WDR45B: variants seen among roughly 807,000 people sequenced by gnomAD.
WDR45B encodes WD repeat domain phosphoinositide-interacting protein 3.
Under a neutral mutation model 44.6 loss-of-function variants are expected in WDR45B, and 20 were observed. The ratio of observed to expected loss-of-function variants is 0.45; its 90% confidence interval spans 0.32 to 0.65. The LOEUF is 0.65. Among genes scored for constraint, WDR45B ranks in the 30% least tolerant of loss-of-function variants. The pLI, the probability that WDR45B is intolerant of heterozygous loss-of-function variation, is 0.05. For synonymous variants in WDR45B, 169 were observed against 164.9 expected (o/e 1.02, Z -0.19); for missense variants, 323 against 430.2 (o/e 0.75, Z 2.20).
chr17:82,626,865 C>T (rs887740985), intron 4 of WDR45B: 44 of 350,692 alleles, frequency 1.3e-4, no homozygotes, highest in Admixed American at 3.0e-4. Flanking sequence ...GGGCTAAAAG[C>T]CCAGGGTAAT....
At chr17:82,634,161 A>AAAAAAAAAAAC (rs2045805000) in intron 2 of WDR45B, among the ~76,000 whole-genome samples, 1 of 148,914 alleles carries the variant, frequency 6.7e-6, no homozygotes, top group African/African-American at 2.5e-5. Context: ...AAAAAAAAAA[A>AAAAAAAAAAAC]AAAAAAAAAA....
intron 3 of WDR45B, chr17:82,629,897 C>T: frequency 1.0e-6 from 1 of 985,292 alleles, no homozygotes; most frequent in South Asian, 4.7e-5. Flanking sequence ...GCATGCGGCG[C>T]CCCCAGAGCC....
intron 1 of WDR45B, among the ~76,000 whole-genome samples, chr17:82,647,923 G>A (rs2046001472): frequency 6.6e-6 from 1 of 150,500 alleles, no homozygotes; most frequent in South Asian, 2.2e-4. Flanking sequence ...CCGAGTGGGC[G>A]TGGCGCGCGG....
At chr17:82,642,209 C>G (rs1265795909) in intron 2 of WDR45B, among the ~76,000 whole-genome samples, 1 of 152,068 alleles carries the variant, frequency 6.6e-6, no homozygotes, top group African/African-American at 2.4e-5. Context: ...GGCTGCACAG[C>G]AGGACGCAAG....
chr17:82,627,438 T>C (rs967950278), intron 3 of WDR45B, 147 bp from the exon 4 acceptor site: 2 of 711,088 alleles, frequency 2.8e-6, no homozygotes, highest in Admixed American at 2.1e-5. Context: ...CACCCGCACC[T>C]GGGAGGCCTT....
At chr17:82,616,766 G>A (rs1304637024) in intron 8 of WDR45B, 121 bp from the exon 9 acceptor site, 2 of 1,353,810 alleles carry the variant, frequency 1.5e-6, no homozygotes, top group Middle Eastern at 1.8e-4. Flanking sequence ...GAGCTTTAAT[G>A]AATTTTTTTT....
chr17:82,628,909 G>A (rs1056369742), intron 3 of WDR45B, among the ~76,000 whole-genome samples: 1 of 151,738 alleles, frequency 6.6e-6, no homozygotes, highest in Non-Finnish European at 1.5e-5. Context: ...TGAGGCGGAA[G>A]GATCACCTGA....
At chr17:82,621,516 A>T (rs1598261183) in intron 6 of WDR45B, 93 bp downstream of exon 6, 1 of 1,556,808 alleles carries the variant, frequency 6.4e-7, no homozygotes, top group East Asian at 2.2e-5. Flanking sequence ...GGGCAGGCCC[A>T]CTGCCTTTTG....
chr17:82,642,640 A>C (rs578156769), intron 2 of WDR45B, among the ~76,000 whole-genome samples: 2 of 152,154 alleles, frequency 1.3e-5, no homozygotes, highest in Non-Finnish European at 2.9e-5. Flanking sequence ...CTGAGCCCTC[A>C]ACCTGTGGGA....
Position 82,616,129 on chromosome 17 carries a change from G to C in WDR45B, c.929-104C>G. 3 of 1,136,924 alleles carry C rather than the reference G, an allele frequency of 2.6e-6. No individual in the cohort carries two copies. The East Asian group carries it at 7.7e-5, about 29-fold the overall frequency. 70.4% of individuals were successfully genotyped at this position (1,136,924 alleles called of 1,614,324 possible). On this transcript the variant is annotated intron_variant, in intron 9 of 9. Coordinates refer to ENST00000392325, the MANE Select transcript of WDR45B (RefSeq NM_019613.4). Reference sequence around the variant, plus strand: ...GCAAAGGGCCTCTTGGAGCCAGGCAGCTGCTCTGAAAGCCCTGAAAGGCCC... The same window carrying C: ...GCAAAGGGCCTCTTGGAGCCAGGCACCTGCTCTGAAAGCCCTGAAAGGCCC...
chr17:82,625,553 T>G, intron 4 of WDR45B, 70 bp from the exon 5 acceptor site: 3 of 1,367,152 alleles, frequency 2.2e-6, no homozygotes, highest in Non-Finnish European at 3.1e-6. Flanking sequence ...GCTCCTGTTC[T>G]TATCATACTG....
At position 82,628,000 on chromosome 17, in the gene WDR45B, T is replaced by C. The variant is rs549854913; in HGVS notation, c.245-709A>G. ...CTGGGTTGTTCTTCCTCTTTTTCTG[T>C]TTTTCTTTTTGAGACAGGGTCTCAT... On this transcript the variant is annotated intron_variant, in intron 3 of 9. Transcript: ENST00000392325. Among the ~76,000 whole-genome samples, 13 of 152,330 alleles carry C rather than the reference T, an allele frequency of 8.5e-5. No homozygotes were observed. In the East Asian group the frequency reaches 2.1e-3, roughly 25 times the overall value.
At position 82,619,033 on chromosome 17, in the gene WDR45B, G is replaced by A. The variant is rs2045577629; in HGVS notation, c.704+10C>T. On this transcript the variant is annotated intron_variant, in intron 7 of 9. Coordinates refer to ENST00000392325, the MANE Select transcript of WDR45B (RefSeq NM_019613.4). Reference sequence around the variant, plus strand: ...AAGTTCTTCTCCGGTGAAGTTGGAGGTGCCCTTACCAGTAAATATTGGCTG... The same window carrying A: ...AAGTTCTTCTCCGGTGAAGTTGGAGATGCCCTTACCAGTAAATATTGGCTG... 2 of 1,613,850 alleles carry A rather than the reference G, an allele frequency of 1.2e-6. No homozygotes were observed. Among genetic ancestry groups the A allele is most frequent in the Non-Finnish European group, 1.7e-6 (2 of 1,179,796 alleles).
chr17:82,620,692 T>A (rs189711552), intron 6 of WDR45B, among the ~76,000 whole-genome samples: 37 of 152,224 alleles, frequency 2.4e-4, no homozygotes, highest in Middle Eastern at 3.4e-3. Context: ...TAACACCGGG[T>A]TTGCAGTCTT....
chr17:82,621,654 A>C lies in WDR45B; in HGVS notation c.573T>G (p.Ile191Met). The change falls in exon 6 of 10, where the codon ATT (isoleucine) becomes ATG (methionine). Residue 191 changes from isoleucine to methionine, a missense_variant. Coordinates refer to ENST00000392325, the MANE Select transcript of WDR45B (RefSeq NM_019613.4). ...IPAHEGVLSCIALNLQGTRIA... is the reference protein window; with the variant it reads ...IPAHEGVLSCMALNLQGTRIA... ...TTCTTGTTCCCTGCAGGTTGAGTGC[A>C]ATGCAGCTCAGGACACCCTCGTGTG... 1 of 1,614,194 alleles carries C rather than the reference A, an allele frequency of 6.2e-7. No homozygotes were observed. Among genetic ancestry groups the C allele is most frequent in the Non-Finnish European group, 8.5e-7 (1 of 1,180,042 alleles).
chr17:82,630,371 C>T (rs1167246331), intron 3 of WDR45B, among the ~76,000 whole-genome samples: 2 of 151,788 alleles, frequency 1.3e-5, no homozygotes, highest in Non-Finnish European at 2.9e-5. Context: ...CGCCTTGAGC[C>T]CTCTTTCCTC....
intron 1 of WDR45B, among the ~76,000 whole-genome samples, chr17:82,646,223 G>A (rs2045973258): frequency 6.6e-6 from 1 of 151,842 alleles, no homozygotes; most frequent in East Asian, 1.9e-4. Flanking sequence ...TGGCGCCGTG[G>A]CTCACGCCTG....
At chr17:82,635,338 A>G (rs1396718240) in intron 2 of WDR45B, among the ~76,000 whole-genome samples, 1 of 151,814 alleles carries the variant, frequency 6.6e-6, no homozygotes, top group Non-Finnish European at 1.5e-5. Flanking sequence ...TTTAACCGAG[A>G]GACAATGTTT....
intron 5 of WDR45B, 76 bp downstream of exon 5, chr17:82,625,313 G>A: frequency 7.0e-7 from 1 of 1,426,546 alleles, no homozygotes; most frequent in Non-Finnish European, 9.9e-7. Flanking sequence ...AGACCTGCTT[G>A]GAGAAGGGAG....
Sources: gnomAD v4.1 joint callset for allele counts (sites outside exome capture counted in the v4.1 genomes callset) on GRCh38, gnomAD v4.1.1 for gene constraint, MANE v1.5 for transcripts, NCBI Gene and HGNC (gene_info 2026-07-23, HGNC 2026-07-21) for gene names.